Variants in UBE3D observed in about 807,000 individuals in gnomAD.
UBE3D encodes E3 ubiquitin-protein ligase E3D.
UBE3D carries 48 observed loss-of-function variants against 49.6 expected under a neutral mutation model. The observed-to-expected ratio is 0.97, with a 90% confidence interval of 0.77 to 1.23. The LOEUF is 1.23. Ranked by LOEUF, UBE3D falls within the 50% of genes most tolerant of loss-of-function variation. UBE3D has a pLI of 0.00. For missense variants in UBE3D, 452 were observed against 468.4 expected (o/e 0.96, Z 0.32); for synonymous variants, 189 against 174.2 (o/e 1.08, Z -0.67).
chr6:82,905,747 C>T (rs1772055494), intron 9 of UBE3D, among the ~76,000 whole-genome samples: 1 of 152,150 alleles, frequency 6.6e-6, no homozygotes, highest in African/African-American at 2.4e-5. Context: ...AGCAGTCCTC[C>T]CTCCCTGTTC....
At chr6:83,034,595 T>TC (rs1415975119) in intron 5 of UBE3D, among the ~76,000 whole-genome samples, 3 of 152,008 alleles carry the variant, frequency 2.0e-5, no homozygotes, top group Admixed American at 2.0e-4. Flanking sequence ...TAGCACCATC[T>TC]CCCCCGTCTC....
intron 8 of UBE3D, chr6:83,017,346 AG>A (rs1196634224): frequency 1.3e-5 from 2 of 152,300 alleles, no homozygotes; most frequent in Admixed American, 6.5e-5. Context: ...ATGAATATAA[AG>A]GGTTTTAATA....
intron 3 of UBE3D, among the ~76,000 whole-genome samples, chr6:83,050,742 G>A (rs1783418633): frequency 6.7e-6 from 1 of 148,726 alleles, no homozygotes; most frequent in Admixed American, 7.1e-5. Flanking sequence ...AGTTACTTAA[G>A]GAAGCGTCTT....
chr6:83,002,061 T>G (rs1779670100), intron 8 of UBE3D, among the ~76,000 whole-genome samples: 1 of 152,074 alleles, frequency 6.6e-6, no homozygotes, highest in Non-Finnish European at 1.5e-5. Flanking sequence ...TCCCAAGCCC[T>G]CTGGAAGCCA....
At chr6:83,048,074 C>A (rs1783195984) in intron 3 of UBE3D, among the ~76,000 whole-genome samples, 1 of 74,762 alleles carries the variant, frequency 1.3e-5, no homozygotes, top group Non-Finnish European at 2.3e-5. Flanking sequence ...AGGGAGACTC[C>A]AGCTCAAAAA....
downstream of UBE3D, among the ~76,000 whole-genome samples, chr6:82,887,442 C>G (rs2127707392): frequency 7.8e-6 from 1 of 128,142 alleles, no homozygotes; most frequent in African/African-American, 3.2e-5. Flanking sequence ...GGCGCGGTGG[C>G]TCACACCTAT....
chr6:82,962,498 T>C (rs1776626874), intron 8 of UBE3D, among the ~76,000 whole-genome samples: 1 of 152,194 alleles, frequency 6.6e-6, no homozygotes, highest in Non-Finnish European at 1.5e-5. Flanking sequence ...AAAAGGACAT[T>C]GTTACAGTAA....
At chr6:83,056,235 C>A (rs1447089703) in intron 2 of UBE3D, among the ~76,000 whole-genome samples, 1 of 152,180 alleles carries the variant, frequency 6.6e-6, no homozygotes, top group Non-Finnish European at 1.5e-5. Context: ...AATACTATGT[C>A]CCTGGTGGTC....
intron 8 of UBE3D, among the ~76,000 whole-genome samples, chr6:82,999,100 C>T (rs1044675417): frequency 6.6e-6 from 1 of 152,160 alleles, no homozygotes; most frequent in Non-Finnish European, 1.5e-5. Context: ...TATCCCTTCT[C>T]CCTCTTGTGC....
At chr6:82,932,540 C>G (rs558103785) in intron 9 of UBE3D, 8 of 152,096 alleles carry the variant, frequency 5.3e-5, no homozygotes, top group Non-Finnish European at 8.8e-5. Flanking sequence ...CCAAATCACC[C>G]TTAGGCACTG....
At chr6:82,975,926 T>A (rs1193311202) in intron 8 of UBE3D, among the ~76,000 whole-genome samples, 1 of 152,204 alleles carries the variant, frequency 6.6e-6, no homozygotes, top group Non-Finnish European at 1.5e-5. Flanking sequence ...CACAAATGAC[T>A]GACTACTTGA....
At chr6:82,964,574 T>C (rs192945840) in intron 8 of UBE3D, among the ~76,000 whole-genome samples, 23 of 152,320 alleles carry the variant, frequency 1.5e-4, no homozygotes, top group African/African-American at 5.5e-4. Flanking sequence ...TGAAATATTA[T>C]GTTGCTTATA....
chr6:82,978,808 C>T (rs150963245), intron 8 of UBE3D, among the ~76,000 whole-genome samples: 8 of 152,306 alleles, frequency 5.3e-5, no homozygotes, highest in African/African-American at 1.7e-4. Flanking sequence ...TGATACATTA[C>T]TCATGTAACC....
rs1313841707 is a variant in UBE3D, at chr6:83,023,876, A to G, written c.737+93T>C. The G allele has an allele frequency of 3.7e-6, 3 of 811,020 alleles. No homozygotes were observed. In the African/African-American group the frequency reaches 5.4e-5, roughly 15 times the overall value. The allele number at this position is 811,020 out of a possible 1,614,324, so 50.2% of individuals were successfully genotyped here. Reference sequence around the variant, plus strand: ...CTGTTCCCAAAAACCTATTAAAATAAAAAATAAATTCAAAACCAAAAAATA... The same window carrying G: ...CTGTTCCCAAAAACCTATTAAAATAGAAAATAAATTCAAAACCAAAAAATA... On this transcript the variant is annotated intron_variant, in intron 6 of 9. Transcript: ENST00000369747.
intron 9 of UBE3D, chr6:82,938,753 A>T (rs982450514): frequency 2.0e-5 from 3 of 152,178 alleles, no homozygotes; most frequent in African/African-American, 7.2e-5. Flanking sequence ...ACACTTTTGG[A>T]TGCTTGTTAA....
At chr6:82,900,938 T>C (rs1381278086) in intron 9 of UBE3D, among the ~76,000 whole-genome samples, 1 of 152,206 alleles carries the variant, frequency 6.6e-6, no homozygotes, top group African/African-American at 2.4e-5. Context: ...TATTGAAACT[T>C]AGAGAAGTCA....
chr6:82,983,159 T>G lies in UBE3D; in HGVS notation c.1011-25709A>C, dbSNP rs558665469. On this transcript the variant is annotated intron_variant, in intron 8 of 9. Transcript: ENST00000369747. ...AGCCATCATACCTGGCTGAAAGTTT[T>G]TTTTTTTTTTTTTATCTTTTTTGGT... Among the ~76,000 whole-genome samples, 438 of 151,718 alleles carry G rather than the reference T, an allele frequency of 2.9e-3. 2 individuals carry two copies. The highest frequency in any genetic ancestry group is 0.01 in the African/African-American group (419 of 41,444).
intron 9 of UBE3D, among the ~76,000 whole-genome samples, chr6:82,952,591 T>C (rs564494912): frequency 6.6e-6 from 1 of 152,090 alleles, no homozygotes; most frequent in African/African-American, 2.4e-5. Context: ...CATCTGCTAA[T>C]TTTTTAATTT....
At chr6:82,987,874 A>AT (rs1238011294) in intron 8 of UBE3D, among the ~76,000 whole-genome samples, 1 of 152,372 alleles carries the variant, frequency 6.6e-6, no homozygotes, top group Non-Finnish European at 1.5e-5. Context: ...TGACAAAAGA[A>AT]TATCTTACAG....
Sources: allele counts gnomAD v4.1 joint callset (sites outside exome capture counted in the v4.1 genomes callset), GRCh38; gene constraint gnomAD v4.1.1; transcripts MANE v1.5; gene names NCBI Gene and HGNC (gene_info 2026-07-23, HGNC 2026-07-21).